Variants in EIF2AK2 observed in about 807,000 individuals in gnomAD.
EIF2AK2 encodes the protein interferon-induced, double-stranded RNA-activated protein kinase.
EIF2AK2 carries 40 observed loss-of-function variants against 70.5 expected under a neutral mutation model. That is an observed-to-expected ratio of 0.57 (90% CI 0.44 to 0.74). The LOEUF is 0.74. Ranked by LOEUF, EIF2AK2 falls within the 30% of genes least tolerant of loss-of-function variation. EIF2AK2 has a pLI of 0.00. For missense variants in EIF2AK2, 555 were observed against 644.3 expected (o/e 0.86, Z 1.50); for synonymous variants, 198 against 220.9 (o/e 0.90, Z 0.92).
rs1179467544 is a variant in EIF2AK2, at chr2:37,149,007, T to C, written c.-167A>G. On this transcript the variant is annotated 5_prime_UTR_variant, in exon 2 of 17. Transcript: ENST00000233057. ...AATTTACAAATCCAGGAAGGCAAAC[T>C]GAATTTGCTCCAGAAACTGGTAAAA... 9.8e-6 allele frequency: 9 copies of C among 920,104 alleles called. No individual in the cohort carries two copies. The highest frequency in any genetic ancestry group is 1.6e-5 in the African/African-American group (1 of 61,940). 57.0% of individuals were successfully genotyped at this position (920,104 alleles called of 1,614,324 possible).
At chr2:37,144,213 G>A (rs1478601293) in intron 4 of EIF2AK2, among the ~76,000 whole-genome samples, 1 of 152,086 alleles carries the variant, frequency 6.6e-6, no homozygotes, top group Non-Finnish European at 1.5e-5. Flanking sequence ...TGACACTACT[G>A]TAAACAAATC....
Position 37,117,164 on chromosome 2 carries a change from G to A in EIF2AK2, c.1249-2305C>T, listed in dbSNP as rs932416689. On this transcript the variant is annotated intron_variant, in intron 13 of 16. Coordinates refer to ENST00000233057, the MANE Select transcript of EIF2AK2 (RefSeq NM_001135651.3). ...GGAGTCAGAGGCTGCAGTGAGCCGA[G>A]ATCACTCCACTGCACTCCAGCCTGG... 2.1e-5 allele frequency among the ~76,000 whole-genome samples: 3 copies of A among 145,228 alleles called. No homozygotes were observed. In the East Asian group the frequency reaches 6.1e-4, roughly 30 times the overall value.
intron 12 of EIF2AK2, among the ~76,000 whole-genome samples, chr2:37,120,679 T>C (rs1189311900): frequency 6.7e-6 from 1 of 149,744 alleles, no homozygotes; most frequent in East Asian, 2.0e-4. Context: ...AAATATGAGC[T>C]GGGCTGGGCA....
chr2:37,152,050 A>C (rs1005385240), intron 1 of EIF2AK2, among the ~76,000 whole-genome samples: 1 of 152,252 alleles, frequency 6.6e-6, no homozygotes, highest in Non-Finnish European at 1.5e-5. Context: ...TGCGCGACAG[A>C]GCGAAGACTC....
Position 37,120,074 on chromosome 2 carries a change from A to C in EIF2AK2, c.1133T>G (p.Ile378Ser), listed in dbSNP as rs1674482953. The C allele has an allele frequency of 6.5e-7, 1 of 1,536,660 alleles. No homozygotes were observed. Among genetic ancestry groups the C allele is most frequent in the Non-Finnish European group, 8.8e-7 (1 of 1,137,062 alleles). The change falls in exon 13 of 17, where the codon ATT becomes AGT. Residue 378 changes from isoleucine (I) to serine (S), a missense_variant. Ile to Ser is a moderately radical substitution (Grantham distance 142). Around this residue, in one of 3 missense-constraint regions of EIF2AK2, gnomAD observed 299 missense variants for 375.4 expected, o/e 0.80. Coordinates refer to ENST00000233057, the MANE Select transcript of EIF2AK2 (RefSeq NM_001135651.3). ...FCDKGTLEQWIEKRRGEKLDK... is the reference protein window; with the variant it reads ...FCDKGTLEQWSEKRRGEKLDK... ...TAGTTTCTCGCCTCTTCTTTTTTCA[A>C]TCCATTGTTCCAAGGTCCCTTTATC...
intron 5 of EIF2AK2, among the ~76,000 whole-genome samples, 194 bp downstream of exon 5, chr2:37,141,359 T>C (rs974532014): frequency 6.6e-6 from 1 of 152,214 alleles, no homozygotes; most frequent in African/African-American, 2.4e-5. Flanking sequence ...TCAATTATGG[T>C]AAATGGGTTC....
intron 1 of EIF2AK2, among the ~76,000 whole-genome samples, chr2:37,156,627 C>T (rs1675938590): frequency 6.6e-6 from 1 of 152,218 alleles, no homozygotes; most frequent in African/African-American, 2.4e-5. Context: ...GTTACTTGCA[C>T]TGATAAAAAT....
At chr2:37,146,165 A>G (rs933144158) in intron 4 of EIF2AK2, among the ~76,000 whole-genome samples, 1 of 152,184 alleles carries the variant, frequency 6.6e-6, no homozygotes, top group Admixed American at 6.5e-5. Flanking sequence ...GTACAATAAT[A>G]TGCTGTATAG....
At position 37,156,973 on chromosome 2, in the gene EIF2AK2, T is replaced by C; in HGVS notation, c.-249A>G. 5.4e-6 allele frequency: 1 copy of C among 184,160 alleles called. No individual in the cohort carries two copies. Among genetic ancestry groups the C allele is most frequent in the Admixed American group, 6.4e-5 (1 of 15,640 alleles). The allele number at this position is 184,160 out of a possible 1,614,324, so 11.4% of individuals were successfully genotyped here. ...CCCGCGGCTTCGGGAGAGCTGGTTC[T>C]CAGTTTCGTTTTCCCCTTGGACTCC... On this transcript the variant is annotated 5_prime_UTR_variant, in exon 1 of 17. Coordinates refer to ENST00000233057, the MANE Select transcript of EIF2AK2 (RefSeq NM_001135651.3).
At chr2:37,129,406 G>A (rs1428057762) in intron 10 of EIF2AK2, among the ~76,000 whole-genome samples, 1 of 151,998 alleles carries the variant, frequency 6.6e-6, no homozygotes, top group Non-Finnish European at 1.5e-5. Flanking sequence ...GCCCTCAACA[G>A]GGACACCTTC....
At chr2:37,109,590 A>G (rs889817294) in intron 14 of EIF2AK2, 1 of 278,100 alleles carries the variant, frequency 3.6e-6, no homozygotes, top group Non-Finnish European at 6.8e-6. Flanking sequence ...TAAAGCAGTT[A>G]AAATAGCACC....
At chr2:37,113,201 T>A (rs1035179454) in intron 14 of EIF2AK2, among the ~76,000 whole-genome samples, 1 of 152,012 alleles carries the variant, frequency 6.6e-6, no homozygotes, top group East Asian at 1.9e-4. Flanking sequence ...ATATGACAAT[T>A]TAAAAGCTGC....
In EIF2AK2 at chr2:37,141,622, C is replaced by A; in HGVS notation, c.320G>T (p.Arg107Ile). 1 of 1,614,108 alleles carries A rather than the reference C, an allele frequency of 6.2e-7. No homozygotes were observed. Among genetic ancestry groups the A allele is most frequent in the Non-Finnish European group, 8.5e-7 (1 of 1,179,998 alleles). ...SMGNYIGLIN[R>I]IAQKKRLTVN... is the part of the protein sequence containing the mutation. Reference sequence around the variant, plus strand: ...AGTTAGTCTTTTCTTCTGGGCAATTCTATTGATAAGGCCTATGTAATTCCC... The same window carrying A: ...AGTTAGTCTTTTCTTCTGGGCAATTATATTGATAAGGCCTATGTAATTCCC... Residue 107 changes from arginine (R) to isoleucine (I), a missense_variant, in exon 5 of 17, where the codon AGA (arginine) becomes ATA (isoleucine). Around this residue, in one of 3 missense-constraint regions of EIF2AK2, gnomAD observed 208 missense variants for 191.8 expected, o/e 1.08. Coordinates refer to ENST00000233057, the MANE Select transcript of EIF2AK2 (RefSeq NM_001135651.3).
intron 1 of EIF2AK2, among the ~76,000 whole-genome samples, chr2:37,155,596 G>A (rs1394375808): frequency 2.0e-5 from 3 of 152,108 alleles, no homozygotes; most frequent in Non-Finnish European, 4.4e-5. Flanking sequence ...ACTAATTAGT[G>A]AGCTCTTTGG....
chr2:37,135,873 C>G (rs1203913766), intron 9 of EIF2AK2, among the ~76,000 whole-genome samples: 3 of 152,212 alleles, frequency 2.0e-5, no homozygotes, highest in African/African-American at 7.2e-5. Context: ...CCCAAGCCAT[C>G]CTCCCACCTT....
chr2:37,152,633 G>T (rs985790641), intron 1 of EIF2AK2, among the ~76,000 whole-genome samples: 1 of 152,104 alleles, frequency 6.6e-6, no homozygotes, highest in Non-Finnish European at 1.5e-5. Flanking sequence ...TGCTGGCATG[G>T]CCCAACAATC....
chr2:37,117,147 A>T (rs1674371821), intron 13 of EIF2AK2, among the ~76,000 whole-genome samples: 2 of 150,278 alleles, frequency 1.3e-5, no homozygotes, highest in Non-Finnish European at 3.0e-5. Flanking sequence ...CAGGAGTCAG[A>T]GGCTGCAGTG....
chr2:37,147,471 C>T (rs1573039294), intron 3 of EIF2AK2, among the ~76,000 whole-genome samples: 1 of 114,770 alleles, frequency 8.7e-6, no homozygotes, highest in East Asian at 2.9e-4. Flanking sequence ...CCTCCCCCCA[C>T]CCCACAACAG....
intron 1 of EIF2AK2, among the ~76,000 whole-genome samples, chr2:37,153,729 T>C (rs1277986352): frequency 6.6e-6 from 1 of 152,188 alleles, no homozygotes; most frequent in Non-Finnish European, 1.5e-5. Flanking sequence ...ATGCATTCAT[T>C]TATGAATGGA....
Sources: gnomAD v4.1 joint callset for allele counts (sites outside exome capture counted in the v4.1 genomes callset) on GRCh38, gnomAD v4.1.1 for gene constraint, gnomAD v4.1.1 regional missense constraint, MANE v1.5 for transcripts, NCBI Gene and HGNC (gene_info 2026-07-23, HGNC 2026-07-21) for gene names.